Variants in ZNF600 observed in about 807,000 individuals in gnomAD.
ZNF600 encodes the protein zinc finger protein 600.
In ZNF600, 4 loss-of-function variants were observed where a neutral mutation model predicts 7.3. That is an observed-to-expected ratio of 0.55 (90% CI 0.27 to 1.25). ZNF600 has a LOEUF of 1.25. Ranked by LOEUF, ZNF600 falls within the 50% of genes most tolerant of loss-of-function variation. The pLI is 0.12. For synonymous variants in ZNF600, 290 were observed against 308.9 expected (o/e 0.94, Z 0.64); for missense variants, 911 against 922.1 (o/e 0.99, Z 0.16).
At chr19:52,799,853 C>T in the ZNF600 span, 3 of 1,613,848 alleles carry the variant, frequency 1.9e-6, no homozygotes, top group Non-Finnish European at 2.5e-6. Context: ...ATTCATTACA[C>T]TTGTAAGGTT....
At chr19:52,770,715 C>T (rs2062623784) in intron 3 of ZNF600, among the ~76,000 whole-genome samples, 1 of 152,178 alleles carries the variant, frequency 6.6e-6, no homozygotes, top group African/African-American at 2.4e-5. Flanking sequence ...GGCTAAAAGT[C>T]ATTATCAGAT....
Position 52,765,818 on chromosome 19 carries a change from AACTT to A in ZNF600, c.2141_2144del (p.Lys714IlefsTer36), listed in dbSNP as rs774507331. On this transcript the variant is annotated frameshift_variant, in exon 4 of 4. Transcript: ENST00000648973. LOFTEE classifies it low-confidence loss of function (END_TRUNC). ...TTTTAAGGTGTGATTTGCGACTGAA[AACTT>A]TGTCACATGTTTCACATTTGTAAAG... is the stretch of plus-strand genomic sequence containing the variant. The A allele has an allele frequency of 6.2e-7, 1 of 1,613,906 alleles. No individual in the cohort carries two copies. Among genetic ancestry groups the A allele is most frequent in the Non-Finnish European group, 8.5e-7 (1 of 1,179,860 alleles).
At chr19:52,801,407 C>T in the ZNF600 span, 25 of 1,614,046 alleles carry the variant, frequency 1.5e-5, 1 homozygote, top group Middle Eastern at 1.2e-3. Context: ...CAGGCAGATG[C>T]GAATGAAAGC....
chr19:52,813,259 A>AAAAAAAAAAAG, the ZNF600 span, among the ~76,000 whole-genome samples: 1 of 148,300 alleles, frequency 6.7e-6, no homozygotes, highest in African/African-American at 2.5e-5. Flanking sequence ...GAAAAAAAAA[A>AAAAAAAAAAAG]AAAAAAAAAA....
intron 1 of ZNF600, among the ~76,000 whole-genome samples, chr19:52,784,845 C>T (rs1285316273): frequency 6.6e-6 from 1 of 152,178 alleles, no homozygotes; most frequent in African/African-American, 2.4e-5. Context: ...CCTCCTGCTT[C>T]GGCCTAGAGA....
chr19:52,830,171 C>A, the ZNF600 span, among the ~76,000 whole-genome samples: 1 of 151,942 alleles, frequency 6.6e-6, no homozygotes, highest in Non-Finnish European at 1.5e-5. Flanking sequence ...TACTTGGGAG[C>A]CTCAGGCAGG....
chr19:52,831,194 T>C, the ZNF600 span, among the ~76,000 whole-genome samples: 1 of 152,178 alleles, frequency 6.6e-6, no homozygotes, highest in Admixed American at 6.5e-5. Context: ...AAGGAGACCA[T>C]GGATGTGAAG....
chr19:52,767,815 T>A (rs982330178), intron 3 of ZNF600, 43 bp from the exon 6 acceptor site: 8 of 1,519,990 alleles, frequency 5.3e-6, no homozygotes, highest in African/African-American at 2.8e-5. Context: ...TAAGTACAGA[T>A]GGTAAATCAT....
the ZNF600 span, chr19:52,799,060 G>T: frequency 2.0e-6 from 1 of 495,182 alleles, no homozygotes. Flanking sequence ...CTTTCAAGCT[G>T]TGATTTGTGA....
chr19:52,800,730 C>T, the ZNF600 span: 18 of 1,613,108 alleles, frequency 1.1e-5, 1 homozygote, highest in South Asian at 5.5e-5. Context: ...CCTACGATGG[C>T]GTGCAAGGGT....
intron 3 of ZNF600, 21 bp downstream of exon 5, chr19:52,774,554 G>A (rs2062657291): frequency 1.0e-6 from 1 of 984,072 alleles, no homozygotes; most frequent in Non-Finnish European, 1.2e-6. Context: ...CCTCATGTCT[G>A]GGGGACATCA....
At chr19:52,800,560 G>GTTTTT in the ZNF600 span, 1 of 1,613,038 alleles carries the variant, frequency 6.2e-7, no homozygotes, top group Non-Finnish European at 8.5e-7. Flanking sequence ...ATTATACTAT[G>GTTTTT]TTTTGCCAGG....
At chr19:52,766,651 G>A (rs199684153) in exon 4 of ZNF600, 1 of 1,614,114 alleles carries the variant, frequency 6.2e-7, no homozygotes, top group East Asian at 2.2e-5. Flanking sequence ...GATGACTTGT[G>A]ACTGAAGGTC....
At chr19:52,799,264 A>C in the ZNF600 span, 1 of 422,566 alleles carries the variant, frequency 2.4e-6, no homozygotes, top group Non-Finnish European at 4.5e-6. Context: ...CACTCATCAC[A>C]TTTGTAAGGT....
exon 4 of ZNF600, chr19:52,767,520 C>G: frequency 1.2e-6 from 2 of 1,614,094 alleles, no homozygotes; most frequent in East Asian, 2.2e-5. Flanking sequence ...AGGCTTGTTT[C>G]CAGCATGCCT....
chr19:52,807,579 A>G, the ZNF600 span, among the ~76,000 whole-genome samples: 14,958 of 152,188 alleles, frequency 0.098, 1,353 homozygotes, highest in African/African-American at 0.22. Flanking sequence ...GGTTCAAGTA[A>G]TTCTCTTTCC....
chr19:52,783,503 A>AGGCG (rs1473955795), intron 1 of ZNF600, among the ~76,000 whole-genome samples: 2 of 151,862 alleles, frequency 1.3e-5, no homozygotes, highest in Non-Finnish European at 2.9e-5. Context: ...CCGGGACTAC[A>AGGCG]GGCGCCCGCC....
the ZNF600 span, chr19:52,801,191 A>C: frequency 6.2e-7 from 1 of 1,614,164 alleles, no homozygotes; most frequent in Non-Finnish European, 8.5e-7. Context: ...TGCCACTCTC[A>C]ATACATTGGA....
At chr19:52,777,628 G>A (rs10421135) in intron 2 of ZNF600, among the ~76,000 whole-genome samples, 4,852 of 152,140 alleles carry the variant, frequency 0.032, 146 homozygotes, top group African/African-American at 0.073. Flanking sequence ...TCAGGAGTTC[G>A]AGACCAGCCT....
Sources: gnomAD v4.1 joint callset for allele counts (sites outside exome capture counted in the v4.1 genomes callset) on GRCh38, gnomAD v4.1.1 for gene constraint, MANE v1.5 for transcripts, NCBI Gene and HGNC (gene_info 2026-07-23, HGNC 2026-07-21) for gene names.